Variants in RTP2 observed in about 807,000 individuals in gnomAD.
RTP2 encodes receptor transporter protein 2.
A neutral mutation model predicts 17.9 loss-of-function variants in RTP2; 12 were observed. That is an observed-to-expected ratio of 0.67 (90% CI 0.43 to 1.09). RTP2 has a LOEUF of 1.09. RTP2 is among the 50% of genes least tolerant of loss of function. The pLI is 0.00. For missense variants in RTP2, 327 were observed against 295.7 expected (o/e 1.11, Z -0.78); for synonymous variants, 126 against 117.7 (o/e 1.07, Z -0.46).
At chr3:187,714,753 AG>A in the RTP2 span, among the ~76,000 whole-genome samples, 2 of 152,136 alleles carry the variant, frequency 1.3e-5, no homozygotes, top group African/African-American at 4.8e-5. Context: ...GGAAGAAGAG[AG>A]GGACTGAAGG....
chr3:187,712,228 A>G, the RTP2 span, among the ~76,000 whole-genome samples: 2 of 152,222 alleles, frequency 1.3e-5, no homozygotes, highest in Non-Finnish European at 2.9e-5. Flanking sequence ...ATATTGTGCT[A>G]TCGTTAGGTA....
chr3:187,713,912 AC>A, the RTP2 span, among the ~76,000 whole-genome samples: 2 of 152,146 alleles, frequency 1.3e-5, no homozygotes, highest in South Asian at 4.2e-4. Flanking sequence ...CTGTCTCCAG[AC>A]CCTATTCTCC....
chr3:187,713,584 C>T, the RTP2 span, among the ~76,000 whole-genome samples: 1 of 152,172 alleles, frequency 6.6e-6, no homozygotes, highest in African/African-American at 2.4e-5. Flanking sequence ...ACTTGGTTCA[C>T]ACCCTATGTA....
At chr3:187,712,018 C>A in the RTP2 span, among the ~76,000 whole-genome samples, 1 of 152,170 alleles carries the variant, frequency 6.6e-6, no homozygotes, top group African/African-American at 2.4e-5. Flanking sequence ...AAAAGGGTAG[C>A]ACAAATGGTC....
intron 1 of RTP2, among the ~76,000 whole-genome samples, chr3:187,700,477 T>C (rs1447177835): frequency 1.3e-5 from 2 of 152,222 alleles, no homozygotes; most frequent in African/African-American, 4.8e-5. Context: ...AGCTGACCTC[T>C]GAAGCAAGAG....
exon 2 of RTP2, chr3:187,698,614 C>A: frequency 6.2e-7 from 1 of 1,614,064 alleles, no homozygotes. Flanking sequence ...CCCGCCTGGG[C>A]CCTCGGCTTG....
chr3:187,703,951 G>A (rs7619660), upstream of RTP2, among the ~76,000 whole-genome samples: 141,448 of 152,208 alleles, frequency 0.93, 66,061 homozygotes, highest in East Asian at 1. Context: ...ATCTTTCTGT[G>A]TAACAGCACT....
At chr3:187,699,101 G>C in intron 1 of RTP2, 90 bp from the exon 2 acceptor site, 1 of 1,422,236 alleles carries the variant, frequency 7.0e-7, no homozygotes, top group Non-Finnish European at 9.4e-7. Context: ...AAGCCTGTGT[G>C]CCCGTGCTTG....
chr3:187,702,449 G>A, exon 1 of RTP2: 1 of 497,492 alleles, frequency 2.0e-6, no homozygotes. Flanking sequence ...ACACTCATCT[G>A]GATTTCCAGA....
chr3:187,708,254 A>G, the RTP2 span, among the ~76,000 whole-genome samples: 7 of 152,216 alleles, frequency 4.6e-5, no homozygotes, highest in Middle Eastern at 3.2e-3. Flanking sequence ...TTTTCATGCT[A>G]TAGGAAGATA....
At chr3:187,706,834 G>T (rs904894150), upstream of RTP2, among the ~76,000 whole-genome samples, 23 of 152,006 alleles carry the variant, frequency 1.5e-4, no homozygotes, top group African/African-American at 5.6e-4. Flanking sequence ...AACTCCTGAC[G>T]TCGTGATCCA....
the RTP2 span, among the ~76,000 whole-genome samples, chr3:187,715,076 T>A: frequency 6.6e-6 from 1 of 152,022 alleles, no homozygotes; most frequent in African/African-American, 2.4e-5. Flanking sequence ...CCTCCGCAAA[T>A]GGCCCCCAGA....
chr3:187,706,852 C>T (rs562669290), upstream of RTP2, among the ~76,000 whole-genome samples: 44 of 152,300 alleles, frequency 2.9e-4, no homozygotes, highest in African/African-American at 9.1e-4. Flanking sequence ...CCACCCACGT[C>T]GGCCTCCCCA....
chr3:187,704,065 T>C (rs1410907035), upstream of RTP2, among the ~76,000 whole-genome samples: 1 of 152,202 alleles, frequency 6.6e-6, no homozygotes, highest in Non-Finnish European at 1.5e-5. Flanking sequence ...CACAAATGTA[T>C]ATTGTGTACA....
chr3:187,708,869 T>C, the RTP2 span, among the ~76,000 whole-genome samples: 1 of 152,234 alleles, frequency 6.6e-6, no homozygotes. Flanking sequence ...GGTCCTATAG[T>C]TAATAAGTGA....
At chr3:187,702,704 G>C (rs1579784002), upstream of RTP2, 1 of 390,500 alleles carries the variant, frequency 2.6e-6, no homozygotes, top group East Asian at 7.3e-5. Flanking sequence ...GGAAACTGAA[G>C]TTTATGCAAC....
exon 1 of RTP2, chr3:187,702,365 C>T (rs1020877442): frequency 1.8e-6 from 1 of 558,928 alleles, no homozygotes. Flanking sequence ...TTTCAGGGCC[C>T]TGAGTTAGGC....
the RTP2 span, among the ~76,000 whole-genome samples, chr3:187,707,704 C>T: frequency 1.7e-4 from 26 of 152,166 alleles, no homozygotes; most frequent in East Asian, 3.9e-4. Flanking sequence ...ATTACTAAAT[C>T]GTTTTAGGCC....
At chr3:187,699,209 G>A (rs555611657) in intron 1 of RTP2, among the ~76,000 whole-genome samples, 198 bp from the exon 2 acceptor site, 2 of 152,262 alleles carry the variant, frequency 1.3e-5, no homozygotes, top group South Asian at 4.1e-4. Flanking sequence ...GACCCGAGCA[G>A]CATCCTCAGG....
Sources: allele counts gnomAD v4.1 joint callset (sites outside exome capture counted in the v4.1 genomes callset), GRCh38; gene constraint gnomAD v4.1.1; transcripts MANE v1.5; gene names NCBI Gene and HGNC (gene_info 2026-07-23, HGNC 2026-07-21).